The following ABCA8 variants were observed in gnomAD, a reference collection of about 807,000 sequenced individuals.
ABCA8 encodes the protein ATP binding cassette subfamily A member 8.
A neutral mutation model predicts 192.3 loss-of-function variants in ABCA8; 177 were observed. That is an observed-to-expected ratio of 0.92 (90% confidence interval 0.81 to 1.04). The LOEUF (loss-of-function observed/expected upper bound fraction) is 1.04, where lower values mean the gene tolerates loss of function less well. Ranked by LOEUF, ABCA8 falls within the 50% of genes least tolerant of loss-of-function variation. ABCA8 has a pLI of 0.00. For missense variants in ABCA8, 1,915 were observed against 1,904.8 expected (o/e 1.01, Z -0.10); for synonymous variants, 642 against 690.2 (o/e 0.93, Z 1.09).
At chr17:68,917,561 A>G (rs763116636) in intron 16 of ABCA8, 110 bp from the exon 17 acceptor site, 1 of 712,800 alleles carries the variant, frequency 1.4e-6, no homozygotes, top group Non-Finnish European at 2.3e-6. Flanking sequence ...AGGAGCTTCT[A>G]AGGTTTTAAA....
rs1373417591 is a variant in ABCA8, at chr17:68,875,551, C to T, written c.4490+63G>A. ...GCTGTTTTCAGTGATCTCTCCCTGC[C>T]ACAGACAAAAATTTCCAGCAATGCA... On this transcript the variant is annotated intron_variant, in intron 36 of 39. Coordinates refer to ENST00000586539, the MANE Select transcript of ABCA8 (RefSeq NM_001288985.2). 38 of 1,599,570 alleles carry T rather than the reference C, an allele frequency of 2.4e-5. No individual in the cohort carries two copies. In the East Asian group the frequency reaches 7.2e-4, roughly 30 times the overall value.
At chr17:68,943,877 A>G (rs1352377527) in intron 2 of ABCA8, among the ~76,000 whole-genome samples, 5 of 152,114 alleles carry the variant, frequency 3.3e-5, no homozygotes, top group Admixed American at 2.6e-4. Flanking sequence ...AAAAAAAATT[A>G]CAATAGCAAA....
At chr17:68,872,274 T>C (rs994467107) in intron 37 of ABCA8, among the ~76,000 whole-genome samples, 3 of 152,138 alleles carry the variant, frequency 2.0e-5, no homozygotes, top group Non-Finnish European at 4.4e-5. Flanking sequence ...AATTCATGTC[T>C]TTTGTAGGGA....
At chr17:68,907,411 G>A (rs1383833240) in intron 18 of ABCA8, among the ~76,000 whole-genome samples, 3 of 151,530 alleles carry the variant, frequency 2.0e-5, no homozygotes, top group Non-Finnish European at 4.4e-5. Flanking sequence ...ACATCACAGG[G>A]CTGTTTAATG....
chr17:68,932,613 T>A, intron 6 of ABCA8, 99 bp from the exon 7 acceptor site: 2 of 876,108 alleles, frequency 2.3e-6, no homozygotes, highest in Non-Finnish European at 3.6e-6. Flanking sequence ...ATTGGCCTAT[T>A]GGGATTTGAT....
chr17:68,927,822 T>A, intron 10 of ABCA8, 94 bp downstream of exon 10: 1 of 1,002,476 alleles, frequency 1.0e-6, no homozygotes, highest in South Asian at 1.9e-5. Context: ...CACAAAATAG[T>A]TCTTAAAATA....
At chr17:68,874,694 TATCTATC>T (rs1306980238) in intron 37 of ABCA8, among the ~76,000 whole-genome samples, 5 of 152,198 alleles carry the variant, frequency 3.3e-5, no homozygotes, top group Non-Finnish European at 7.3e-5. Flanking sequence ...ACTCCTAAAT[TATCTATC>T]ATCTGCTATA....
chr17:68,877,040 A>G (rs1252039926), intron 33 of ABCA8, among the ~76,000 whole-genome samples: 1 of 152,126 alleles, frequency 6.6e-6, no homozygotes, highest in South Asian at 2.1e-4. Flanking sequence ...GTCTGACTCT[A>G]TCCCCGAGGC....
chr17:68,877,395 T>C (rs2066234158), intron 33 of ABCA8, 124 bp downstream of exon 33: 1 of 796,986 alleles, frequency 1.3e-6, no homozygotes, highest in African/African-American at 1.8e-5. Flanking sequence ...TAGTTGTAAA[T>C]CTACCCAGTG....
At position 68,928,024 on chromosome 17, in the gene ABCA8, G is replaced by A; in HGVS notation, c.1165C>T (p.Pro389Ser). The change falls in exon 10 of 40, where the codon CCT (proline) becomes TCT (serine). Residue 389 changes from proline (P) to serine (S), a missense_variant. Transcript: ENST00000586539. ...AGATTTGAGCCGTCCGATGGATGAG[G>A]AAATGCATTAGAATTCAAATCATAG... ...LDYDLNSNAF[P>S]HPSDGSNLIV... is the part of the protein sequence containing the mutation. The A allele has an allele frequency of 1.2e-6, 2 of 1,602,158 alleles. No homozygotes were observed. Among genetic ancestry groups the A allele is most frequent in the Admixed American group, 1.8e-5 (1 of 57,016 alleles).
At chr17:68,939,399 G>A (rs1047175200) in intron 4 of ABCA8, among the ~76,000 whole-genome samples, 3 of 151,854 alleles carry the variant, frequency 2.0e-5, no homozygotes, top group Admixed American at 6.6e-5. Flanking sequence ...AACTCAACAA[G>A]TGGGCAATGA....
intron 37 of ABCA8, among the ~76,000 whole-genome samples, chr17:68,874,465 T>C (rs1198728106): frequency 1.3e-5 from 2 of 152,230 alleles, no homozygotes; most frequent in Non-Finnish European, 2.9e-5. Flanking sequence ...ATTAAGAAGA[T>C]TTACATTTCA....
At chr17:68,929,295 AAT>A in intron 8 of ABCA8, 61 bp from the exon 9 acceptor site, 1 of 1,318,408 alleles carries the variant, frequency 7.6e-7, no homozygotes, top group Non-Finnish European at 1.0e-6. Flanking sequence ...AGCATAATAA[AAT>A]AGATATACAA....
rs752009156 is a variant in ABCA8, at chr17:68,887,399, T to C, written c.3252A>G (p.Ile1084Met). 1.2e-6 allele frequency: 2 copies of C among 1,613,156 alleles called. No individual in the cohort carries two copies. The highest frequency in any genetic ancestry group is 1.7e-6 in the Non-Finnish European group (2 of 1,179,450). Residue 1084 changes from isoleucine (I) to methionine (M), a missense_variant, in exon 25 of 40, where the codon ATA (isoleucine) becomes ATG (methionine). Coordinates refer to ENST00000586539, the MANE Select transcript of ABCA8 (RefSeq NM_001288985.2). ...AGTTTGAAATGTAGCTCATTAAATA[T>C]ATAAAAACGAAGACCAAGAAGTACA... ...VSLYFLVFVF[I>M]YLMSYISNFE...
intron 10 of ABCA8, among the ~76,000 whole-genome samples, chr17:68,926,503 T>C (rs1021184147): frequency 7.9e-5 from 12 of 152,046 alleles, no homozygotes; most frequent in East Asian, 1.9e-4. Flanking sequence ...ACAGAGAAAA[T>C]ATATTTAAGT....
At chr17:68,907,907 A>G in intron 17 of ABCA8, 28 bp from the exon 18 acceptor site, 4 of 1,549,964 alleles carry the variant, frequency 2.6e-6, no homozygotes, top group East Asian at 2.3e-5. Context: ...AAAAAAAGAC[A>G]TATGTTACTC....
Position 68,942,479 on chromosome 17 carries a change from A to G in ABCA8, c.-5-440T>C, listed in dbSNP as rs75336103. Among the ~76,000 whole-genome samples, 6 of 152,212 alleles carry G rather than the reference A, an allele frequency of 3.9e-5. No individual in the cohort carries two copies. The East Asian group carries it at 1.2e-3, about 29-fold the overall frequency. On this transcript the variant is annotated intron_variant, in intron 2 of 39. Transcript: ENST00000586539. ...AGAATGTATTTTTCCCCACTGAGTA[A>G]ATTGTTTTCTCCAATGCAAAGTACC...
rs773285714 is a variant in ABCA8, at chr17:68,876,621, C to T, written c.4275+7G>A. The T allele has an allele frequency of 1.2e-6, 2 of 1,614,040 alleles. No homozygotes were observed. Among genetic ancestry groups the T allele is most frequent in the Non-Finnish European group, 1.7e-6 (2 of 1,180,022 alleles). On this transcript the variant is annotated splice_region_variant and intron_variant, in intron 34 of 39. Coordinates refer to ENST00000586539, the MANE Select transcript of ABCA8 (RefSeq NM_001288985.2). ...ACTTGCAGAGCAACACCAAGCCCTG[C>T]CCGTACCTTTCTCTTTATTCCCTCT...
intron 4 of ABCA8, among the ~76,000 whole-genome samples, chr17:68,940,277 G>A (rs2068188650): frequency 6.6e-6 from 1 of 152,080 alleles, no homozygotes; most frequent in Admixed American, 6.6e-5. Context: ...TTCAAATAGA[G>A]CAAGCACATG....
Sources: gnomAD v4.1 joint callset for allele counts (sites outside exome capture counted in the v4.1 genomes callset) on GRCh38, gnomAD v4.1.1 for gene constraint, MANE v1.5 for transcripts, NCBI Gene and HGNC (gene_info 2026-07-23, HGNC 2026-07-21) for gene names.